The following PDGFRA variants were observed in gnomAD, a reference collection of about 807,000 sequenced individuals.
The protein encoded by PDGFRA is platelet derived growth factor receptor alpha.
In PDGFRA, 25 loss-of-function variants were observed where a neutral mutation model predicts 121.5. The ratio of observed to expected loss-of-function variants is 0.21; its 90% CI spans 0.15 to 0.29. PDGFRA has a LOEUF of 0.29. PDGFRA is among the 10% of genes least tolerant of loss of function. The probability of loss-of-function intolerance (pLI) is 1.00; values close to 1 mark genes in which losing one functional copy is unlikely to be tolerated. For missense variants in PDGFRA, 1,008 were observed against 1,345.1 expected (o/e 0.75, Z 3.92); for synonymous variants, 463 against 494.8 (o/e 0.94, Z 0.85).
chr4:54,244,768 C>T (rs1187493989), intron 1 of PDGFRA, among the ~76,000 whole-genome samples: 1 of 152,170 alleles, frequency 6.6e-6, no homozygotes, highest in Non-Finnish European at 1.5e-5. Context: ...TCAAACTACT[C>T]CGAGCTACAG....
intron 16 of PDGFRA, chr4:54,281,929 GTAC>G: frequency 8.8e-7 from 1 of 1,133,664 alleles, no homozygotes; most frequent in Middle Eastern, 3.7e-4. Flanking sequence ...TATAAGCAAA[GTAC>G]TACAAAGGTG....
intron 1 of PDGFRA, among the ~76,000 whole-genome samples, chr4:54,250,226 G>C (rs756677683): frequency 1.3e-5 from 2 of 152,138 alleles, no homozygotes; most frequent in Non-Finnish European, 2.9e-5. Flanking sequence ...TGAAATCTTT[G>C]AGTTATCATT....
At chr4:54,273,841 T>C in intron 10 of PDGFRA, 111 bp downstream of exon 10, 5 of 859,660 alleles carry the variant, frequency 5.8e-6, no homozygotes, top group Non-Finnish European at 9.5e-6. Context: ...AAGGCAGAAA[T>C]TCAGTTATGA....
Position 54,278,528 on chromosome 4 carries a change from A to T in PDGFRA, c.2156+13A>T, listed in dbSNP as rs1459706389. On this transcript the variant is annotated intron_variant, in intron 15 of 22. Coordinates refer to ENST00000257290, the MANE Select transcript of PDGFRA (RefSeq NM_006206.6). ...AAAGCACACGGAGGTGGGTGCAAAGAGAGATGTTGCTGTCTATCATTATCT... is the reference window on the plus strand; with the variant it reads ...AAAGCACACGGAGGTGGGTGCAAAGTGAGATGTTGCTGTCTATCATTATCT... The T allele has an allele frequency of 6.2e-7, 1 of 1,612,680 alleles. No individual in the cohort carries two copies. The highest frequency in any genetic ancestry group is 8.5e-7 in the Non-Finnish European group (1 of 1,178,712).
At chr4:54,292,029 C>T (rs80189023) in intron 22 of PDGFRA, among the ~76,000 whole-genome samples, 5,033 of 151,636 alleles carry the variant, frequency 0.033, 267 homozygotes, top group African/African-American at 0.11. Flanking sequence ...CAGATTGTGG[C>T]GAGGTTGTGG....
intron 5 of PDGFRA, among the ~76,000 whole-genome samples, chr4:54,266,405 TTTTTTC>T (rs1188271429): frequency 1.3e-3 from 188 of 145,152 alleles, no homozygotes; most frequent in Non-Finnish European, 2.4e-3. Flanking sequence ...TTTTTTTTTC[TTTTTTC>T]TTTTTTTTTT....
At chr4:54,284,549 C>G (rs938493345) in intron 16 of PDGFRA, among the ~76,000 whole-genome samples, 2 of 119,864 alleles carry the variant, frequency 1.7e-5, no homozygotes, top group Non-Finnish European at 3.4e-5. Context: ...AGAGCAGGAG[C>G]AAGTGAGAGA....
At chr4:54,231,251 A>T (rs1412499068) in intron 1 of PDGFRA, among the ~76,000 whole-genome samples, 3 of 152,142 alleles carry the variant, frequency 2.0e-5, no homozygotes, top group African/African-American at 7.2e-5. Flanking sequence ...TCAGGTCCCT[A>T]CCGCCCCGCG....
intron 1 of PDGFRA, among the ~76,000 whole-genome samples, chr4:54,248,800 ATT>A (rs576937706): frequency 9.2e-5 from 14 of 152,236 alleles, no homozygotes; most frequent in Non-Finnish European, 1.6e-4. Flanking sequence ...ATGGGAGAAA[ATT>A]TTTGCAACCT....
rs116215839 is a variant in PDGFRA, at chr4:54,277,738, A to G, written c.1892-158A>G. On this transcript the variant is annotated intron_variant, in intron 13 of 22. Coordinates refer to ENST00000257290, the MANE Select transcript of PDGFRA (RefSeq NM_006206.6). ...CTTTTTACTAGAAAGACCAGGAATT[A>G]GTTATTAGCACTGAGGCCAAGTAGC... Among the ~76,000 whole-genome samples the G allele has an allele frequency of 4.8e-3, 726 of 152,340 alleles. 7 individuals are homozygous for G. The highest frequency in any genetic ancestry group is 0.016 in the African/African-American group (651 of 41,578).
At position 54,229,560 on chromosome 4, in the gene PDGFRA, A is replaced by AT. The variant is rs920838716; in HGVS notation, c.-13+156dup. ...ATTCCAGTTGTGTGTCCAGAGAGTA[A>AT]TTTTTTTTTTTCGGAATAAACTTCA... On this transcript the variant is annotated intron_variant, in intron 1 of 22. Transcript: ENST00000257290. 7,567 of 315,112 alleles carry AT rather than the reference A, an allele frequency of 0.024. 13 individuals carry two copies. Among genetic ancestry groups the AT allele is most frequent in the Middle Eastern group, 0.031 (36 of 1,164 alleles). The allele number at this position is 315,112 out of a possible 1,614,324, so 19.5% of individuals were successfully genotyped here. A position where few individuals can be genotyped will look rare whatever the true frequency, so the allele number is the denominator to read the frequency against.
At chr4:54,247,783 T>A (rs1721778207) in intron 1 of PDGFRA, among the ~76,000 whole-genome samples, 1 of 152,176 alleles carries the variant, frequency 6.6e-6, no homozygotes, top group African/African-American at 2.4e-5. Flanking sequence ...AGTCAAATTG[T>A]CCCTGTTTGC....
In PDGFRA at chr4:54,297,081, G is replaced by C. The variant is rs565989173; in HGVS notation, c.*1809G>C. The C allele has an allele frequency of 2.6e-5, 6 of 233,074 alleles. No homozygotes were observed. Among genetic ancestry groups the C allele is most frequent in the Admixed American group, 2.3e-4 (4 of 17,770 alleles). 14.4% of individuals were successfully genotyped at this position (233,074 alleles called of 1,614,324 possible). ...TCCAAGTCTCTGTGTAACCAGCTCAGTGTTTTGGTGGAAAAAACATTTTAA... is the reference window on the plus strand; with the variant it reads ...TCCAAGTCTCTGTGTAACCAGCTCACTGTTTTGGTGGAAAAAACATTTTAA... On this transcript the variant is annotated 3_prime_UTR_variant, in exon 23 of 23. Transcript: ENST00000257290.
chr4:54,255,733 C>T (rs1459234874), intron 1 of PDGFRA, among the ~76,000 whole-genome samples: 3 of 152,034 alleles, frequency 2.0e-5, no homozygotes, highest in African/African-American at 4.8e-5. Flanking sequence ...TCTCCATCTC[C>T]TGATCTCATG....
chr4:54,231,594 G>A (rs1720673519), intron 1 of PDGFRA, among the ~76,000 whole-genome samples: 1 of 152,148 alleles, frequency 6.6e-6, no homozygotes, highest in South Asian at 2.1e-4. Flanking sequence ...CTTTCTCCTC[G>A]GCCTCCTCCT....
rs115285668 is a variant in PDGFRA at position 54,249,923 on chromosome 4, A to G, written c.-12-8834A>G. Among the ~76,000 whole-genome samples the G allele has an allele frequency of 5.8e-3, 881 of 152,274 alleles. 7 individuals carry two copies. Among genetic ancestry groups the G allele is most frequent in the African/African-American group, 0.019 (782 of 41,570 alleles). On this transcript the variant is annotated intron_variant, in intron 1 of 22. Coordinates refer to ENST00000257290, the MANE Select transcript of PDGFRA (RefSeq NM_006206.6). ...GATCTACTCTGTAACAGAAAATTGT[A>G]AAGGGTTTAAAAGGTTTATGAGAAT...
chr4:54,253,972 A>T (rs967932536), intron 1 of PDGFRA, among the ~76,000 whole-genome samples: 13 of 152,188 alleles, frequency 8.5e-5, no homozygotes, highest in Admixed American at 8.5e-4. Context: ...GGAGTGAGCC[A>T]TTGTGCCTGG....
chr4:54,274,291 T>C (rs1186969387), intron 10 of PDGFRA, among the ~76,000 whole-genome samples: 1 of 152,192 alleles, frequency 6.6e-6, no homozygotes, highest in East Asian at 1.9e-4. Context: ...TTGGAGAAAA[T>C]ACTGAGTTCT....
intron 15 of PDGFRA, 134 bp downstream of exon 15, chr4:54,278,649 G>C: frequency 1.2e-6 from 1 of 811,734 alleles, no homozygotes; most frequent in Non-Finnish European, 2.1e-6. Context: ...AAACCACCCT[G>C]TCCAGTCTTT....
Sources: gnomAD v4.1 joint callset for allele counts (sites outside exome capture counted in the v4.1 genomes callset) on GRCh38, gnomAD v4.1.1 for gene constraint, MANE v1.5 for transcripts, NCBI Gene and HGNC (gene_info 2026-07-23, HGNC 2026-07-21) for gene names.